Variants in ROBO2 observed in about 807,000 individuals in gnomAD.
The protein encoded by ROBO2 is roundabout homolog 2.
ROBO2 carries 53 observed loss-of-function variants against 160.8 expected under a neutral mutation model. The ratio of observed to expected loss-of-function variants is 0.33; its 90% CI spans 0.26 to 0.41. The LOEUF is 0.41. ROBO2 is among the 10% of genes least tolerant of loss of function. The pLI, the probability that ROBO2 is intolerant of heterozygous loss-of-function variation, is 1.00. For synonymous variants in ROBO2, 664 were observed against 611.7 expected, an observed-to-expected ratio of 1.09 and a Z score of -1.26; for missense variants, 1,577 against 1,722.4, an observed-to-expected ratio of 0.92 and a Z score of 1.49.
chr3:77,045,753 A>G (rs1464005527), intron 1 of ROBO2, among the ~76,000 whole-genome samples: 1 of 152,242 alleles, frequency 6.6e-6, no homozygotes, highest in Non-Finnish European at 1.5e-5. Context: ...CAAGAAAGAA[A>G]CTATGTAGCT....
intron 2 of ROBO2, among the ~76,000 whole-genome samples, chr3:76,575,261 G>C (rs530885409): frequency 1.3e-5 from 2 of 151,898 alleles, no homozygotes; most frequent in Admixed American, 6.6e-5. Flanking sequence ...GTGCAACATG[G>C]AAGATGATTT....
intron 2 of ROBO2, among the ~76,000 whole-genome samples, chr3:77,401,794 G>T (rs1247360512): frequency 1.3e-5 from 2 of 152,208 alleles, no homozygotes; most frequent in South Asian, 2.1e-4. Flanking sequence ...TAATGGGATT[G>T]CTGGGTCAAA....
chr3:77,325,601 G>A (rs572524147), intron 2 of ROBO2, among the ~76,000 whole-genome samples: 2 of 152,242 alleles, frequency 1.3e-5, no homozygotes, highest in Admixed American at 6.5e-5. Flanking sequence ...TGCATCTTGG[G>A]CAAAATGTGA....
At chr3:76,007,369 A>G (rs1241691395) in intron 2 of ROBO2, among the ~76,000 whole-genome samples, 1 of 152,268 alleles carries the variant, frequency 6.6e-6, no homozygotes, top group East Asian at 1.9e-4. Context: ...GGTAAAGTAA[A>G]TATTTTCACT....
At chr3:77,315,824 CTGA>C (rs1334752683) in intron 2 of ROBO2, among the ~76,000 whole-genome samples, 1 of 151,782 alleles carries the variant, frequency 6.6e-6, no homozygotes, top group Non-Finnish European at 1.5e-5. Flanking sequence ...GGGTAAGTGG[CTGA>C]TAAGTTTGTC....
intron 2 of ROBO2, among the ~76,000 whole-genome samples, chr3:77,426,303 A>G (rs1038394607): frequency 5.3e-5 from 8 of 152,114 alleles, no homozygotes; most frequent in Non-Finnish European, 5.9e-5. Context: ...CTTGAACAAC[A>G]GGATGGATAA....
intron 2 of ROBO2, among the ~76,000 whole-genome samples, chr3:77,432,086 A>C (rs1264708046): frequency 6.6e-6 from 1 of 152,174 alleles, no homozygotes; most frequent in East Asian, 1.9e-4. Flanking sequence ...CTATGCCTCT[A>C]GCTTTTTTAG....
intron 2 of ROBO2, among the ~76,000 whole-genome samples, chr3:77,368,272 A>G (rs1189902960): frequency 6.6e-6 from 1 of 152,042 alleles, no homozygotes; most frequent in Non-Finnish European, 1.5e-5. Flanking sequence ...TGTTATTTTA[A>G]TAAAGAAAAC....
chr3:76,380,251 A>G (rs2076551245), intron 2 of ROBO2, among the ~76,000 whole-genome samples: 1 of 152,212 alleles, frequency 6.6e-6, no homozygotes, highest in African/African-American at 2.4e-5. Flanking sequence ...ACTTGGCTAT[A>G]GAAAGATTTG....
At chr3:75,977,132 A>G (rs973396106) in intron 2 of ROBO2, among the ~76,000 whole-genome samples, 15 of 151,584 alleles carry the variant, frequency 9.9e-5, no homozygotes, top group Non-Finnish European at 1.5e-5. Context: ...ACCATTTCAG[A>G]GAAACATGCT....
intron 2 of ROBO2, among the ~76,000 whole-genome samples, chr3:77,375,848 GA>G (rs897041607): frequency 2.7e-5 from 4 of 149,332 alleles, no homozygotes; most frequent in African/African-American, 9.7e-5. Flanking sequence ...CACACACATA[GA>G]AAAAATAGTA....
chr3:77,643,857 T>G (rs2095382115), intron 24 of ROBO2, among the ~76,000 whole-genome samples: 1 of 152,142 alleles, frequency 6.6e-6, no homozygotes, highest in African/African-American at 2.4e-5. Context: ...TAGTGAAACA[T>G]TTAGAAAGGT....
chr3:76,189,067 A>C (rs1701891929), intron 2 of ROBO2, among the ~76,000 whole-genome samples: 1 of 152,090 alleles, frequency 6.6e-6, no homozygotes. Context: ...AGGAATAAAC[A>C]CTGAGTCAGC....
At position 76,332,980 on chromosome 3, in the gene ROBO2, C is replaced by T. The variant is rs34923349; in HGVS notation, c.109+395378C>T. ...CAAATTGATGAACCCCCCTTCCTAG[C>T]GGTTTTGATTCAGTAGGTCTGGGGT... On this transcript the variant is annotated intron_variant, in intron 2 of 26. Coordinates refer to the ROBO2 transcript ENST00000487694. Among the ~76,000 whole-genome samples, 821 of 152,270 alleles carry T rather than the reference C, an allele frequency of 5.4e-3. 20 individuals carry two copies. The highest frequency in any genetic ancestry group is 0.039 in the Admixed American group (597 of 15,290).
At chr3:76,318,652 T>C (rs2072251254) in intron 2 of ROBO2, among the ~76,000 whole-genome samples, 1 of 152,118 alleles carries the variant, frequency 6.6e-6, no homozygotes. Context: ...ATAAGCTACA[T>C]TTTCAAAGGG....
intron 2 of ROBO2, among the ~76,000 whole-genome samples, chr3:77,139,648 C>A (rs2076549491): frequency 6.6e-6 from 1 of 152,168 alleles, no homozygotes; most frequent in South Asian, 2.1e-4. Flanking sequence ...CACGGCAGAA[C>A]AATTTTCAGA....
chr3:76,737,181 C>G (rs1445961981), intron 2 of ROBO2, among the ~76,000 whole-genome samples: 1 of 151,998 alleles, frequency 6.6e-6, no homozygotes. Flanking sequence ...ATCACTATTT[C>G]TAGATAAAAC....
chr3:76,765,142 T>C (rs983391266), intron 2 of ROBO2, among the ~76,000 whole-genome samples: 1 of 151,728 alleles, frequency 6.6e-6, no homozygotes, highest in Non-Finnish European at 1.5e-5. Flanking sequence ...ATTCTCAGTA[T>C]CTTGATTCAG....
At chr3:77,539,450 A>G (rs1181763896) in intron 6 of ROBO2, among the ~76,000 whole-genome samples, 1 of 152,152 alleles carries the variant, frequency 6.6e-6, no homozygotes, top group Non-Finnish European at 1.5e-5. Context: ...TTCAAATCAC[A>G]TATATATTGT....
Sources: gnomAD v4.1 joint callset for allele counts (sites outside exome capture counted in the v4.1 genomes callset) on GRCh38, gnomAD v4.1.1 for gene constraint, MANE v1.5 for transcripts, NCBI Gene and HGNC (gene_info 2026-07-23, HGNC 2026-07-21) for gene names.